Variants in GDI2 observed in about 807,000 individuals in gnomAD.
GDI2 encodes the protein rab GDP dissociation inhibitor beta.
GDI2 carries 22 observed loss-of-function variants against 54.2 expected under a neutral mutation model. That is an observed-to-expected ratio of 0.41 (90% CI 0.29 to 0.58). The LOEUF is 0.58. Among genes scored for constraint, GDI2 ranks in the 20% least tolerant of loss-of-function variants. GDI2 has a pLI of 0.35. For synonymous variants in GDI2, 177 were observed against 182.1 expected, an observed-to-expected ratio of 0.97 and a Z score of 0.23; for missense variants, 422 against 546.0, an observed-to-expected ratio of 0.77 and a Z score of 2.26.
At chr10:5,778,445 A>G (rs747945333) in intron 6 of GDI2, among the ~76,000 whole-genome samples, 8 of 152,224 alleles carry the variant, frequency 5.3e-5, no homozygotes, top group Non-Finnish European at 7.3e-5. Flanking sequence ...TTTTGTTTAA[A>G]TAAGTTGTGT....
Position 5,766,315 on chromosome 10 carries a change from AGT to A in GDI2, c.1137-22_1137-21del, listed in dbSNP as rs1357338997. On this transcript the variant is annotated intron_variant, in intron 9 of 10. Coordinates refer to ENST00000380191, the MANE Select transcript of GDI2 (RefSeq NM_001494.4). The surrounding 1 kb of genome is among the most constrained non-coding windows in gnomAD (Gnocchi z 5.8). Reference sequence around the variant, plus strand: ...ACAAATCTGGAGGGAGAGAGAATTCAGTCAGGTGAGCTGGTCCCACACCTGAC... The same window carrying A: ...ACAAATCTGGAGGGAGAGAGAATTCACAGGTGAGCTGGTCCCACACCTGAC... 11 of 1,601,716 alleles carry A rather than the reference AGT, an allele frequency of 6.9e-6. No individual in the cohort carries two copies. Among genetic ancestry groups the A allele is most frequent in the Non-Finnish European group, 9.4e-6 (11 of 1,168,732 alleles).
chr10:5,788,021 C>T (rs1840916431), intron 4 of GDI2, among the ~76,000 whole-genome samples: 1 of 152,158 alleles, frequency 6.6e-6, no homozygotes, highest in Non-Finnish European at 1.5e-5. Flanking sequence ...GTTTTTCCAT[C>T]CCTTAATTCC....
chr10:5,798,466 G>A (rs535092614), intron 2 of GDI2, among the ~76,000 whole-genome samples: 2 of 151,946 alleles, frequency 1.3e-5, no homozygotes, highest in Non-Finnish European at 2.9e-5. Flanking sequence ...ATGTACGCCT[G>A]TAATTCCAGC....
Position 5,800,682 on chromosome 10 carries a change from CATT to C in GDI2, c.66_68del (p.Ile22del). The C allele has an allele frequency of 1.3e-6, 2 of 1,573,688 alleles. No individual in the cohort carries two copies. The highest frequency in any genetic ancestry group is 1.7e-6 in the Non-Finnish European group (2 of 1,143,112). On this transcript the variant is annotated inframe_deletion, in exon 2 of 11. Transcript: ENST00000380191. ...GAAGAACTTTCTTGCCATTCACTGA[CATT>C]ATACCTGACAGGATACATTCCTATA...
At chr10:5,794,230 TATAA>T (rs1841096671) in intron 4 of GDI2, among the ~76,000 whole-genome samples, 2 of 94,528 alleles carry the variant, frequency 2.1e-5, no homozygotes, top group African/African-American at 8.1e-5. Flanking sequence ...TATATATATA[TATAA>T]AACTCACCAG....
intron 4 of GDI2, among the ~76,000 whole-genome samples, chr10:5,789,924 C>T (rs1377569447): frequency 6.6e-6 from 1 of 152,212 alleles, no homozygotes; most frequent in East Asian, 1.9e-4. Flanking sequence ...TATCTTAAAA[C>T]TCTATGTGAC....
At chr10:5,791,522 C>T (rs1268561141) in intron 4 of GDI2, among the ~76,000 whole-genome samples, 1 of 152,004 alleles carries the variant, frequency 6.6e-6, no homozygotes, top group Non-Finnish European at 1.5e-5. Flanking sequence ...CCAAGGCGGA[C>T]GGATCATCTG....
At chr10:5,772,660 G>A (rs988436437) in intron 7 of GDI2, among the ~76,000 whole-genome samples, 7 of 152,164 alleles carry the variant, frequency 4.6e-5, no homozygotes, top group Non-Finnish European at 8.8e-5. Context: ...GGGAGGCTGA[G>A]GTAGGAGAAT....
At position 5,776,898 on chromosome 10, in the gene GDI2, A is replaced by G; in HGVS notation, c.720-2957T>C. The G allele has an allele frequency of 1.1e-6, 1 of 877,238 alleles. No homozygotes were observed. Among genetic ancestry groups the G allele is most frequent in the Non-Finnish European group, 1.7e-6 (1 of 578,566 alleles). 54.3% of individuals were successfully genotyped at this position (877,238 alleles called of 1,614,324 possible). A position where few individuals can be genotyped will look rare whatever the true frequency, so the allele number is the denominator to read the frequency against. ...CAGAGAAGAGGGGAGAAGAGGAAATAATGCGAAAACAGTTAATCCAGCAAA... is the reference window on the plus strand; with the variant it reads ...CAGAGAAGAGGGGAGAAGAGGAAATGATGCGAAAACAGTTAATCCAGCAAA... On this transcript the variant is annotated intron_variant, in intron 6 of 10. Transcript: ENST00000380191. The surrounding 1 kb of genome is among the most constrained non-coding windows in gnomAD (Gnocchi z 5.3).
intron 1 of GDI2, among the ~76,000 whole-genome samples, chr10:5,804,318 T>G (rs1841331347): frequency 2.0e-5 from 3 of 152,154 alleles, no homozygotes; most frequent in Admixed American, 1.3e-4. Flanking sequence ...GGTCTTGAAC[T>G]CCTGGCCTCA....
At chr10:5,798,871 A>C (rs1362795051) in intron 2 of GDI2, among the ~76,000 whole-genome samples, 1 of 4,646 alleles carries the variant, frequency 2.2e-4, no homozygotes, top group Non-Finnish European at 0.022. Context: ...GCTACTCAGA[A>C]GGCTGAGCAT....
Position 5,773,863 on chromosome 10 carries a change from A to G in GDI2, c.798T>C (p.Ile266=). The G allele has an allele frequency of 6.8e-7, 1 of 1,471,584 alleles. No homozygotes were observed. Among genetic ancestry groups the G allele is most frequent in the East Asian group, 2.3e-5 (1 of 44,046 alleles). 91.2% of individuals were successfully genotyped at this position (1,471,584 alleles called of 1,614,324 possible). The change falls in exon 7 of 11, where the codon ATT becomes ATC. Residue 266 remains isoleucine (I), a synonymous_variant. Coordinates refer to ENST00000380191, the MANE Select transcript of GDI2 (RefSeq NM_001494.4). ...TTACTTCTCCTTCAGATTTTACACCAATTACTTTTCCATTCTGTACAATGA... is the reference window on the plus strand; with the variant it reads ...TTACTTCTCCTTCAGATTTTACACCGATTACTTTTCCATTCTGTACAATGA... ...EEIIVQNGKV[I]GVKSEGEIAR... is the part of the protein sequence containing the mutation.
At chr10:5,780,224 A>G (rs1431520240) in intron 6 of GDI2, among the ~76,000 whole-genome samples, 1 of 102,422 alleles carries the variant, frequency 9.8e-6, no homozygotes, top group Non-Finnish European at 2.4e-5. Context: ...AAAAAAACAA[A>G]CAAACAAACA....
chr10:5,794,431 T>C (rs761521122), intron 4 of GDI2, among the ~76,000 whole-genome samples: 10 of 151,650 alleles, frequency 6.6e-5, no homozygotes, highest in Non-Finnish European at 1.3e-4. Flanking sequence ...CAGCTACTTA[T>C]CCCAGCTACT....
Position 5,786,128 on chromosome 10 carries a change from A to AATT in GDI2, c.389-79_389-78insAAT, listed in dbSNP as rs143103652. 5.4e-3 allele frequency: 4,774 copies of AATT among 891,852 alleles called. 26 individuals carry two copies. The highest frequency in any genetic ancestry group is 6.0e-3 in the Non-Finnish European group (3,363 of 557,050). 55.2% of individuals were successfully genotyped at this position (891,852 alleles called of 1,614,324 possible). A position where few individuals can be genotyped will look rare whatever the true frequency, so the allele number is the denominator to read the frequency against. On this transcript the variant is annotated intron_variant, in intron 4 of 10. Coordinates refer to ENST00000380191, the MANE Select transcript of GDI2 (RefSeq NM_001494.4). ...GAACGAAGTATGAGAGCAAAGTTTAAACATGCCTTGTTATCAACTGCGGAA... is the reference window on the plus strand; with the variant it reads ...GAACGAAGTATGAGAGCAAAGTTTAAATTACATGCCTTGTTATCAACTGCGGAA...
chr10:5,801,079 G>A (rs984447284), intron 1 of GDI2, among the ~76,000 whole-genome samples: 2 of 151,938 alleles, frequency 1.3e-5, no homozygotes, highest in African/African-American at 4.8e-5. Context: ...AGCCTCTTGA[G>A]TAAGTGGGAT....
At chr10:5,788,929 A>AT (rs1303489813) in intron 4 of GDI2, among the ~76,000 whole-genome samples, 2 of 151,012 alleles carry the variant, frequency 1.3e-5, no homozygotes, top group Admixed American at 6.6e-5. Flanking sequence ...GACCTGGCTA[A>AT]TTTTTTTTTG....
At position 5,766,292 on chromosome 10, in the gene GDI2, A is replaced by G; in HGVS notation, c.1140T>C (p.Phe380=). Residue 380 remains phenylalanine (F), a synonymous_variant, in exon 10 of 11, where the codon TTT becomes TTC. Transcript: ENST00000380191. This position sits in a 1 kb window ranked among gnomAD's most constrained non-coding sequence, Gnocchi z 5.8. ...GTACCAGGAGGTCACTGATGCTAACAAATCTGGAGGGAGAGAGAATTCAGT... is the reference window on the plus strand; with the variant it reads ...GTACCAGGAGGTCACTGATGCTAACGAATCTGGAGGGAGAGAGAATTCAGT... ...LELLEPIEQK[F]VSISDLLVPK... is the part of the protein sequence containing the mutation. The G allele has an allele frequency of 6.2e-7, 1 of 1,612,430 alleles. No individual in the cohort carries two copies. The highest frequency in any genetic ancestry group is 1.1e-5 in the South Asian group (1 of 91,042).
At chr10:5,795,772 C>T (rs901848715) in intron 3 of GDI2, among the ~76,000 whole-genome samples, 1 of 151,968 alleles carries the variant, frequency 6.6e-6, no homozygotes, top group African/African-American at 2.4e-5. Context: ...TCTACCATAA[C>T]ACAAAAAAAT....
Sources: allele counts gnomAD v4.1 joint callset (sites outside exome capture counted in the v4.1 genomes callset), GRCh38; gene constraint gnomAD v4.1.1; non-coding constraint Gnocchi (gnomAD v3.1); transcripts MANE v1.5; gene names NCBI Gene and HGNC (gene_info 2026-07-23, HGNC 2026-07-21).